CLVS1: variants seen among roughly 807,000 people sequenced by gnomAD.
CLVS1 encodes the protein clavesin-1.
Under a neutral mutation model 33.1 loss-of-function variants are expected in CLVS1, and 10 were observed. The observed-to-expected ratio is 0.30, with a 90% CI of 0.19 to 0.51. The LOEUF (loss-of-function observed/expected upper bound fraction) is 0.51. Ranked by LOEUF, CLVS1 falls within the 20% of genes least tolerant of loss-of-function variation. CLVS1 has a pLI of 0.97. For synonymous variants in CLVS1, 163 were observed against 166.1 expected, an observed-to-expected ratio of 0.98 and a Z score of 0.14; for missense variants, 343 against 433.4, an observed-to-expected ratio of 0.79 and a Z score of 1.85.
At chr8:61,218,360 A>G (rs891189262) in intron 2 of CLVS1, among the ~76,000 whole-genome samples, 2 of 152,160 alleles carry the variant, frequency 1.3e-5, no homozygotes, top group Non-Finnish European at 2.9e-5. Context: ...ATCAACATGG[A>G]AGGAATGGAG....
intron 2 of CLVS1, among the ~76,000 whole-genome samples, chr8:61,264,327 G>A (rs971536097): frequency 6.6e-6 from 1 of 152,038 alleles, no homozygotes; most frequent in Non-Finnish European, 1.5e-5. Context: ...TGCTCACCTG[G>A]TGCAGTAATA....
At chr8:61,047,588 T>C in the CLVS1 span, among the ~76,000 whole-genome samples, 3 of 152,194 alleles carry the variant, frequency 2.0e-5, no homozygotes, top group Non-Finnish European at 4.4e-5. Flanking sequence ...GGGGCACATA[T>C]ACACCATGGA....
intron 3 of CLVS1, among the ~76,000 whole-genome samples, chr8:61,393,850 G>A (rs1814405748): frequency 6.6e-6 from 1 of 152,182 alleles, no homozygotes; most frequent in Non-Finnish European, 1.5e-5. Flanking sequence ...CTTGGTTATA[G>A]TTTTGTTTAG....
intron 3 of CLVS1, among the ~76,000 whole-genome samples, chr8:61,388,717 A>C (rs1295569541): frequency 6.6e-6 from 1 of 152,136 alleles, no homozygotes; most frequent in East Asian, 1.9e-4. Flanking sequence ...TATAGAGATG[A>C]GATCAGGCTA....
chr8:61,463,524 C>G (rs1397281684), intron 5 of CLVS1, among the ~76,000 whole-genome samples: 5 of 152,118 alleles, frequency 3.3e-5, no homozygotes, highest in African/African-American at 9.7e-5. Context: ...CACTTAAACA[C>G]TTAGAAGCCA....
intron 1 of CLVS1, among the ~76,000 whole-genome samples, chr8:61,294,610 T>G (rs1179795735): frequency 1.3e-5 from 2 of 152,186 alleles, no homozygotes; most frequent in African/African-American, 4.8e-5. Flanking sequence ...CTTCTGTCTA[T>G]TGCAGGATCC....
At chr8:61,359,180 A>G (rs965912732) in intron 2 of CLVS1, among the ~76,000 whole-genome samples, 21 of 152,152 alleles carry the variant, frequency 1.4e-4, no homozygotes, top group African/African-American at 5.1e-4. Context: ...TAAGTTACCA[A>G]CCACACTAGC....
intron 1 of CLVS1, among the ~76,000 whole-genome samples, chr8:61,063,335 GA>G (rs1804620418): frequency 6.6e-6 from 1 of 151,190 alleles, no homozygotes; most frequent in African/African-American, 2.4e-5. Flanking sequence ...GGTGGGGGGT[GA>G]GGGGTGAAAT....
intron 2 of CLVS1, among the ~76,000 whole-genome samples, chr8:61,181,838 TA>T (rs1474799348): frequency 6.6e-6 from 1 of 151,766 alleles, no homozygotes; most frequent in South Asian, 2.1e-4. Context: ...TAGCTGGGAC[TA>T]CAGGTGCCCG....
intron 2 of CLVS1, among the ~76,000 whole-genome samples, chr8:61,182,260 C>T (rs958106677): frequency 1.3e-5 from 2 of 152,154 alleles, no homozygotes; most frequent in Non-Finnish European, 2.9e-5. Flanking sequence ...CCATTCAGGA[C>T]ATGGGCATGG....
chr8:61,409,761 T>A (rs967155191), intron 3 of CLVS1, among the ~76,000 whole-genome samples: 3 of 152,220 alleles, frequency 2.0e-5, no homozygotes, highest in African/African-American at 7.2e-5. Context: ...CTGCCAATCA[T>A]GTATGAGAAT....
At position 61,246,832 on chromosome 8, in the gene CLVS1, C is replaced by T. The variant is rs151070124; in HGVS notation, c.-151-52845C>T. ...TAAAAAAATTTATTTTAGGTTTGGG[C>T]GTACCTGTGAAAGTTTGTTACATAG... On this transcript the variant is annotated intron_variant, in intron 2 of 2. Coordinates refer to the CLVS1 transcript ENST00000522621. Among the ~76,000 whole-genome samples the T allele has an allele frequency of 3.3e-5, 5 of 151,976 alleles. No homozygotes were observed. In the East Asian group the frequency reaches 7.7e-4, roughly 23 times the overall value.
chr8:61,465,085 T>G (rs1448481974), intron 5 of CLVS1: 1 of 152,362 alleles, frequency 6.6e-6, no homozygotes, highest in Non-Finnish European at 1.5e-5. Context: ...GGCAGGCACC[T>G]TTCTGGGCAG....
At chr8:61,006,221 A>C in the CLVS1 span, among the ~76,000 whole-genome samples, 2 of 152,186 alleles carry the variant, frequency 1.3e-5, no homozygotes, top group Admixed American at 6.5e-5. Context: ...TTTGCATCAG[A>C]AGGGTAATGG....
At chr8:61,166,392 C>T (rs1806866066) in intron 2 of CLVS1, among the ~76,000 whole-genome samples, 1 of 152,122 alleles carries the variant, frequency 6.6e-6, no homozygotes, top group Non-Finnish European at 1.5e-5. Flanking sequence ...CCTCAGCCTC[C>T]CGAAGTGCTG....
At position 61,300,117 on chromosome 8, in the gene CLVS1, A is replaced by G; in HGVS notation, c.290A>G (p.Tyr97Cys). ...GATGCCTTTAGACTCCTGGCTCAGTATTTCCAGTACCGCCAGCTAAACCTG... is the reference window on the plus strand; with the variant it reads ...GATGCCTTTAGACTCCTGGCTCAGTGTTTCCAGTACCGCCAGCTAAACCTG... ...QADAFRLLAQ[Y>C]FQYRQLNLDM... Residue 97 changes from tyrosine to cysteine, a missense_variant, in exon 2 of 6, where the codon TAT becomes TGT. Tyr to Cys is a radical substitution (Grantham distance 194). Coordinates refer to ENST00000325897, the MANE Select transcript of CLVS1 (RefSeq NM_173519.3). 1 of 1,614,010 alleles carries G rather than the reference A, an allele frequency of 6.2e-7. No homozygotes were observed.
intron 2 of CLVS1, among the ~76,000 whole-genome samples, chr8:61,172,551 A>C (rs1479927874): frequency 2.6e-5 from 4 of 152,198 alleles, no homozygotes; most frequent in Non-Finnish European, 1.5e-5. Flanking sequence ...AGTTTTAAAA[A>C]ATTAATATTA....
intron 2 of CLVS1, among the ~76,000 whole-genome samples, chr8:61,230,115 G>A (rs1271067148): frequency 6.6e-6 from 1 of 152,166 alleles, no homozygotes; most frequent in Non-Finnish European, 1.5e-5. Flanking sequence ...AGACTAAAAG[G>A]GAAGATAAGT....
At position 61,156,214 on chromosome 8, in the gene CLVS1, CAAA is replaced by C. The variant is rs56094016; in HGVS notation, c.-152+24372_-152+24374del. 9.6e-3 allele frequency among the ~76,000 whole-genome samples: 541 copies of C among 56,312 alleles called. 7 individuals are homozygous for C. The highest frequency in any genetic ancestry group is 0.041 in the African/African-American group (507 of 12,354). The allele number at this position is 56,312 out of a possible 152,430, so 36.9% of individuals were successfully genotyped here. A position where few individuals can be genotyped will look rare whatever the true frequency, so the allele number is the denominator to read the frequency against. ...TGGGCTACAGAGAGAGATTCCATCTCAAAAAAAAAAAAAAAAAAAAGCCTTTGC... is the reference window on the plus strand; with the variant it reads ...TGGGCTACAGAGAGAGATTCCATCTCAAAAAAAAAAAAAAAAAGCCTTTGC... On this transcript the variant is annotated intron_variant, in intron 2 of 2. Coordinates refer to the CLVS1 transcript ENST00000522621.
Sources: gnomAD v4.1 joint callset for allele counts (sites outside exome capture counted in the v4.1 genomes callset) on GRCh38, gnomAD v4.1.1 for gene constraint, MANE v1.5 for transcripts, NCBI Gene and HGNC (gene_info 2026-07-23, HGNC 2026-07-21) for gene names.